EFNA5: variants seen among roughly 807,000 people sequenced by gnomAD.
EFNA5 encodes ephrin-A5.
EFNA5 carries 5 observed loss-of-function variants against 22.9 expected under a neutral mutation model. That is an observed-to-expected ratio of 0.22 (90% confidence interval 0.11 to 0.46). The LOEUF is 0.46. Ranked by LOEUF, EFNA5 falls within the 20% of genes least tolerant of loss-of-function variation. The pLI is 0.99. For missense variants in EFNA5, 237 were observed against 293.3 expected, an observed-to-expected ratio of 0.81 and a Z score of 1.40; for synonymous variants, 113 against 112.2, an observed-to-expected ratio of 1.01 and a Z score of -0.04.
At position 107,591,908 on chromosome 5, in the gene EFNA5, TATAAAAA is replaced by T. The variant is rs1561442879; in HGVS notation, c.125+78574_125+78580del. 2.2e-3 allele frequency among the ~76,000 whole-genome samples: 41 copies of T among 18,872 alleles called. 10 individuals carry two copies. The African/African-American group carries it at 0.022, about 10-fold the overall frequency. The allele number at this position is 18,872 out of a possible 152,430, so 12.4% of individuals were successfully genotyped here. The stretch of plus-strand genomic sequence containing the variant: ...TATATATATTATATATAATATATAA[TATAAAAA>T]ATATATATATAATATATAATATATA... On this transcript the variant is annotated intron_variant, in intron 1 of 4. Transcript: ENST00000333274.
intron 1 of EFNA5, among the ~76,000 whole-genome samples, chr5:107,615,406 T>C (rs1055423239): frequency 2.6e-5 from 4 of 151,298 alleles, no homozygotes; most frequent in Non-Finnish European, 5.9e-5. Context: ...GAGGGGGGAG[T>C]GGTATCAGGC....
intron 1 of EFNA5, among the ~76,000 whole-genome samples, chr5:107,554,352 C>T (rs1748363390): frequency 1.3e-5 from 2 of 152,120 alleles, no homozygotes; most frequent in African/African-American, 4.8e-5. Context: ...GCTTCGAGCA[C>T]CTTTTCTAGA....
chr5:107,649,963 C>A (rs1750696644), intron 1 of EFNA5, among the ~76,000 whole-genome samples: 1 of 152,116 alleles, frequency 6.6e-6, no homozygotes, highest in East Asian at 1.9e-4. Context: ...TACCCAGAAC[C>A]AACCCACCTC....
intron 1 of EFNA5, among the ~76,000 whole-genome samples, chr5:107,567,440 G>A (rs1748683985): frequency 6.6e-6 from 1 of 152,132 alleles, no homozygotes; most frequent in African/African-American, 2.4e-5. Flanking sequence ...GAATGTGTGT[G>A]GGCACATGTA....
chr5:107,419,224 A>T (rs1421380285), intron 2 of EFNA5, among the ~76,000 whole-genome samples: 2 of 152,230 alleles, frequency 1.3e-5, no homozygotes, highest in Non-Finnish European at 2.9e-5. Context: ...AAGTCCCTAA[A>T]TATCCTCTTT....
intron 4 of EFNA5, among the ~76,000 whole-genome samples, chr5:107,381,625 C>CCGTTG (rs1747465751): frequency 2.0e-5 from 3 of 152,216 alleles, no homozygotes; most frequent in Non-Finnish European, 4.4e-5. Context: ...TATGCATACA[C>CCGTTG]CGTAACCTTT....
intron 1 of EFNA5, among the ~76,000 whole-genome samples, chr5:107,610,872 T>C (rs1311867176): frequency 6.6e-6 from 1 of 152,074 alleles, no homozygotes. Flanking sequence ...GAAAAGGTCA[T>C]ATAGCAAGCA....
At chr5:107,438,229 C>G (rs1749166632) in intron 1 of EFNA5, among the ~76,000 whole-genome samples, 1 of 152,174 alleles carries the variant, frequency 6.6e-6, no homozygotes, top group Admixed American at 6.5e-5. Context: ...CCCCTACCCC[C>G]ACACAGCCTC....
intron 1 of EFNA5, among the ~76,000 whole-genome samples, chr5:107,533,780 A>G (rs1323507989): frequency 6.6e-6 from 1 of 152,210 alleles, no homozygotes; most frequent in Non-Finnish European, 1.5e-5. Context: ...CAAAATATAT[A>G]TCAGCATCTT....
intron 1 of EFNA5, chr5:107,506,313 G>A (rs759666401): frequency 2.6e-5 from 4 of 152,200 alleles, no homozygotes; most frequent in Non-Finnish European, 5.9e-5. Flanking sequence ...TCAACACATA[G>A]TAAACATCCA....
At chr5:107,496,281 A>G (rs1746980076) in intron 1 of EFNA5, among the ~76,000 whole-genome samples, 1 of 145,964 alleles carries the variant, frequency 6.9e-6, no homozygotes, top group African/African-American at 2.5e-5. Context: ...GGTTGCAGTG[A>G]GCCAAGATCA....
chr5:107,401,834 G>A (rs935353265), intron 2 of EFNA5, among the ~76,000 whole-genome samples: 11 of 152,274 alleles, frequency 7.2e-5, no homozygotes, highest in Non-Finnish European at 1.0e-4. Flanking sequence ...AGGCGGCTCC[G>A]GGGAAGTTGG....
At chr5:107,478,683 G>A (rs1328103199) in intron 1 of EFNA5, among the ~76,000 whole-genome samples, 1 of 152,204 alleles carries the variant, frequency 6.6e-6, no homozygotes, top group Non-Finnish European at 1.5e-5. Flanking sequence ...AACGTACCAA[G>A]TGGAGCTCAT....
intron 2 of EFNA5, among the ~76,000 whole-genome samples, chr5:107,412,414 T>C (rs989456177): frequency 6.6e-6 from 1 of 152,198 alleles, no homozygotes; most frequent in African/African-American, 2.4e-5. Flanking sequence ...AGAAAGCACT[T>C]TGGCAGTCAA....
chr5:107,657,633 C>G (rs1011720315), intron 1 of EFNA5, among the ~76,000 whole-genome samples: 6 of 152,000 alleles, frequency 3.9e-5, no homozygotes, highest in Non-Finnish European at 8.8e-5. Flanking sequence ...GTAAAAATTT[C>G]TTTTTAAAAT....
At chr5:107,669,973 C>A (rs1751152829) in intron 1 of EFNA5, among the ~76,000 whole-genome samples, 1 of 151,598 alleles carries the variant, frequency 6.6e-6, no homozygotes, top group East Asian at 2.0e-4. Flanking sequence ...CCCTCACTTC[C>A]CCCAGCCCGT....
chr5:107,612,230 A>G lies in EFNA5; in HGVS notation c.125+58259T>C, dbSNP rs186701393. Reference sequence around the variant, plus strand: ...TGATGTTTCTTGGGAGGCAAATTTTACTGATAAATATGTAAAGTTGATTAA... The same window carrying G: ...TGATGTTTCTTGGGAGGCAAATTTTGCTGATAAATATGTAAAGTTGATTAA... On this transcript the variant is annotated intron_variant, in intron 1 of 4. Transcript: ENST00000333274. Among the ~76,000 whole-genome samples, 3 of 152,324 alleles carry G rather than the reference A, an allele frequency of 2.0e-5. No individual in the cohort carries two copies. The East Asian group carries it at 5.8e-4, about 29-fold the overall frequency.
intron 1 of EFNA5, among the ~76,000 whole-genome samples, chr5:107,635,617 T>C (rs1352969315): frequency 6.6e-6 from 1 of 152,198 alleles, no homozygotes; most frequent in Non-Finnish European, 1.5e-5. Flanking sequence ...AAACTATCCT[T>C]TTAAGGCAAG....
Position 107,379,908 on chromosome 5 carries a change from T to A in EFNA5, c.*1347A>T, listed in dbSNP as rs960483381. ...TGTATTTTCTATTCTAGTGGATTTT[T>A]AAAAAAATATTTTGTTAAAGTCTTT... is the stretch of plus-strand genomic sequence containing the variant. On this transcript the variant is annotated 3_prime_UTR_variant, in exon 5 of 5. Transcript: ENST00000333274. 6.6e-6 allele frequency: 1 copy of A among 152,182 alleles called. No individual in the cohort carries two copies. Among genetic ancestry groups the A allele is most frequent in the African/African-American group, 2.4e-5 (1 of 41,428 alleles). The allele number at this position is 152,182 out of a possible 1,614,324, so 9.4% of individuals were successfully genotyped here.
Sources: gnomAD v4.1 joint callset for allele counts (sites outside exome capture counted in the v4.1 genomes callset) on GRCh38, gnomAD v4.1.1 for gene constraint, MANE v1.5 for transcripts, NCBI Gene and HGNC (gene_info 2026-07-23, HGNC 2026-07-21) for gene names.